The following XRRA1 variants were observed in gnomAD, a reference collection of about 807,000 sequenced individuals.
The protein encoded by XRRA1 is X-ray radiation resistance-associated protein 1.
XRRA1 carries 69 observed loss-of-function variants against 80.2 expected under a neutral mutation model. That is an observed-to-expected ratio of 0.86 (90% CI 0.71 to 1.05). The LOEUF is 1.05. Among genes scored for constraint, XRRA1 ranks in the 50% least tolerant of loss-of-function variants. The pLI, the probability that XRRA1 is intolerant of heterozygous loss-of-function variation, is 0.00. For missense variants in XRRA1, 967 were observed against 976.4 expected (o/e 0.99, Z 0.13); for synonymous variants, 348 against 389.9 (o/e 0.89, Z 1.27).
intron 5 of XRRA1, 120 bp downstream of exon 5, chr11:74,933,681 C>T (rs555361823): frequency 1.2e-6 from 1 of 823,232 alleles, no homozygotes; most frequent in East Asian, 2.7e-5. Context: ...CTCCCTCCTT[C>T]TTCGTGACCA....
chr11:74,870,008 A>G (rs1031729644), intron 10 of XRRA1, among the ~76,000 whole-genome samples: 1 of 152,192 alleles, frequency 6.6e-6, no homozygotes, highest in Non-Finnish European at 1.5e-5. Flanking sequence ...CTGGGATCCA[A>G]GGTAGATTCA....
intron 8 of XRRA1, chr11:74,919,578 C>T (rs575911782): frequency 2.6e-4 from 127 of 483,060 alleles, no homozygotes; most frequent in Non-Finnish European, 4.7e-4. Context: ...GAAGCCGGGA[C>T]CCGGCAGAAT....
intron 8 of XRRA1, among the ~76,000 whole-genome samples, chr11:74,914,999 G>T (rs561954217): frequency 6.6e-6 from 1 of 152,296 alleles, no homozygotes; most frequent in South Asian, 2.1e-4. Context: ...AATATAGGAA[G>T]AAAAACCTCT....
intron 10 of XRRA1, among the ~76,000 whole-genome samples, chr11:74,875,661 G>A (rs1228183394): frequency 6.6e-6 from 1 of 152,102 alleles, no homozygotes; most frequent in Non-Finnish European, 1.5e-5. Context: ...TTGACATCAG[G>A]AGTTCGAGAC....
chr11:74,900,643 G>A (rs12417162), intron 10 of XRRA1, among the ~76,000 whole-genome samples: 1,697 of 152,222 alleles, frequency 0.011, 16 homozygotes, highest in Non-Finnish European at 0.017. Flanking sequence ...ATGCAAGGAT[G>A]TTTCAACACA....
At chr11:74,866,407 C>T (rs904790957) in intron 10 of XRRA1, among the ~76,000 whole-genome samples, 2 of 152,050 alleles carry the variant, frequency 1.3e-5, no homozygotes, top group African/African-American at 2.4e-5. Context: ...GCATGCACCA[C>T]CATGCCTGGT....
intron 10 of XRRA1, among the ~76,000 whole-genome samples, chr11:74,884,131 T>G (rs1452254366): frequency 6.6e-6 from 1 of 152,024 alleles, no homozygotes; most frequent in African/African-American, 2.4e-5. Context: ...CCCACTGCAC[T>G]CCATCCTGGG....
chr11:74,863,073 C>G, intron 10 of XRRA1, 52 bp from the exon 11 acceptor site: 2 of 1,531,600 alleles, frequency 1.3e-6, no homozygotes, highest in Non-Finnish European at 8.9e-7. Flanking sequence ...TGATTGATGC[C>G]TAGAGCACCC....
intron 10 of XRRA1, among the ~76,000 whole-genome samples, chr11:74,865,466 A>G (rs904594167): frequency 6.6e-6 from 1 of 152,162 alleles, no homozygotes; most frequent in Non-Finnish European, 1.5e-5. Context: ...CAATCAGGGA[A>G]TTATTCCATC....
Position 74,948,616 on chromosome 11 carries a change from A to G in XRRA1, c.-73+312T>C, listed in dbSNP as rs140331202. ...TGAAAACCGAGTTCAGATACATGCT[A>G]TCTGGCTTTGGGTAGGTTCTTTAGT... On this transcript the variant is annotated intron_variant, in intron 1 of 18. Coordinates refer to ENST00000684022, the MANE Select transcript of XRRA1 (RefSeq NM_001378157.1). Among the ~76,000 whole-genome samples, 546 of 152,282 alleles carry G rather than the reference A, an allele frequency of 3.6e-3. 3 individuals carry two copies. Among genetic ancestry groups the G allele is most frequent in the African/African-American group, 0.013 (535 of 41,568 alleles).
At chr11:74,877,749 G>A (rs959349318) in intron 10 of XRRA1, among the ~76,000 whole-genome samples, 8 of 151,784 alleles carry the variant, frequency 5.3e-5, no homozygotes, top group African/African-American at 1.7e-4. Context: ...TACTGAGAAT[G>A]ATGATTTCCA....
chr11:74,942,514 G>A (rs903179863), intron 2 of XRRA1, among the ~76,000 whole-genome samples: 2 of 152,342 alleles, frequency 1.3e-5, no homozygotes, highest in Non-Finnish European at 2.9e-5. Context: ...TGAGGAACAC[G>A]TAGGGGGACA....
intron 8 of XRRA1, among the ~76,000 whole-genome samples, chr11:74,913,122 T>G (rs1418639113): frequency 6.6e-6 from 1 of 152,200 alleles, no homozygotes; most frequent in Non-Finnish European, 1.5e-5. Context: ...ACTGACATAC[T>G]AAACAACTGG....
intron 10 of XRRA1, among the ~76,000 whole-genome samples, chr11:74,875,449 T>C (rs1016535531): frequency 6.6e-6 from 1 of 152,208 alleles, no homozygotes; most frequent in Non-Finnish European, 1.5e-5. Context: ...CTCCCGCCAG[T>C]GGAAAGTCCT....
At chr11:74,932,238 A>C (rs981247901) in intron 5 of XRRA1, among the ~76,000 whole-genome samples, 1 of 152,156 alleles carries the variant, frequency 6.6e-6, no homozygotes, top group Non-Finnish European at 1.5e-5. Context: ...AATTTCATAG[A>C]TATTTTCCTT....
intron 2 of XRRA1, among the ~76,000 whole-genome samples, chr11:74,942,338 G>GA (rs1305233557): frequency 6.6e-6 from 1 of 152,180 alleles, no homozygotes; most frequent in Non-Finnish European, 1.5e-5. Context: ...CTTTATGTAT[G>GA]AAAGAGTGAA....
At chr11:74,876,615 T>C (rs1374231363) in intron 10 of XRRA1, 3 of 152,122 alleles carry the variant, frequency 2.0e-5, no homozygotes, top group Admixed American at 1.3e-4. Flanking sequence ...CCTACACTGT[T>C]CTTTCAACCC....
At chr11:74,927,230 C>G (rs996469925) in intron 7 of XRRA1, among the ~76,000 whole-genome samples, 161 bp downstream of exon 7, 3 of 151,898 alleles carry the variant, frequency 2.0e-5, no homozygotes, top group Non-Finnish European at 4.4e-5. Context: ...ACTACCCTTA[C>G]AACCCCCACC....
intron 1 of XRRA1, among the ~76,000 whole-genome samples, chr11:74,947,176 A>C (rs574401694): frequency 5.3e-5 from 8 of 152,362 alleles, no homozygotes; most frequent in East Asian, 1.9e-4. Flanking sequence ...AAGAAAGAAG[A>C]AGCAAGTATC....
Sources: gnomAD v4.1 joint callset for allele counts (sites outside exome capture counted in the v4.1 genomes callset) on GRCh38, gnomAD v4.1.1 for gene constraint, MANE v1.5 for transcripts, NCBI Gene and HGNC (gene_info 2026-07-23, HGNC 2026-07-21) for gene names.